Variants in ORC1 observed in about 807,000 individuals in gnomAD.
ORC1 encodes the protein origin recognition complex, subunit 1 homolog.
In ORC1, 61 loss-of-function variants were observed where a neutral mutation model predicts 98.9. The ratio of observed to expected loss-of-function variants is 0.62; its 90% CI spans 0.50 to 0.76. The LOEUF is 0.76. Among genes scored for constraint, ORC1 ranks in the 30% least tolerant of loss-of-function variants. The pLI, the probability that ORC1 is intolerant of heterozygous loss-of-function variation, is 0.00. For synonymous variants in ORC1, 385 were observed against 406.9 expected, an observed-to-expected ratio of 0.95 and a Z score of 0.65; for missense variants, 979 against 1,072.2, an observed-to-expected ratio of 0.91 and a Z score of 1.21.
Position 52,373,379 on chromosome 1 carries a change from G to C in ORC1, c.2392-4C>G. On this transcript the variant is annotated splice_region_variant and splice_polypyrimidine_tract_variant and intron_variant, in intron 16 of 16. Transcript: ENST00000371568. ...GTGCCACATGTTGACTATATATCTA[G>C]ACACAAATAGCAAGGCAAAGGTTAA... 1 of 1,612,072 alleles carries C rather than the reference G, an allele frequency of 6.2e-7. No homozygotes were observed. The highest frequency in any genetic ancestry group is 8.5e-7 in the Non-Finnish European group (1 of 1,178,354).
At chr1:52,375,041 T>G (rs1646976486) in intron 15 of ORC1, 144 bp from the exon 16 acceptor site, 1 of 667,422 alleles carries the variant, frequency 1.5e-6, no homozygotes, top group Non-Finnish European at 2.7e-6. Context: ...AGGATCTCCC[T>G]GACCCCCAAA....
intron 3 of ORC1, among the ~76,000 whole-genome samples, chr1:52,398,324 C>T (rs563736796): frequency 1.1e-4 from 17 of 149,722 alleles, no homozygotes; most frequent in Admixed American, 2.7e-4. Context: ...AGTGCAGTGG[C>T]GTGATCTCGG....
At position 52,401,413 on chromosome 1, in the gene ORC1, C is replaced by T; in HGVS notation, c.172G>A (p.Asp58Asn). ...GCAACATACGGGTTTTCATCATCAT[C>T]CCCTTCAATCAACACAAACTGTCCA... ...QIGQFVLIEGDDDENPYVAKL... is the reference protein window; with the variant it reads ...QIGQFVLIEGNDDENPYVAKL... The change falls in exon 3 of 17, where the codon GAT (aspartate) becomes AAT (asparagine). Residue 58 changes from aspartate to asparagine, a missense_variant. Coordinates refer to ENST00000371568, the MANE Select transcript of ORC1 (RefSeq NM_004153.4). 6.2e-7 allele frequency: 1 copy of T among 1,614,108 alleles called. No homozygotes were observed.
intron 12 of ORC1, 87 bp from the exon 13 acceptor site, chr1:52,383,656 C>T (rs1269877916): frequency 1.4e-6 from 2 of 1,475,420 alleles, no homozygotes; most frequent in African/African-American, 1.4e-5. Flanking sequence ...ACTGCTTTAG[C>T]TGCATGTTTC....
At position 52,374,870 on chromosome 1, in the gene ORC1, G is replaced by A. The variant is rs745544163; in HGVS notation, c.2331C>T (p.Phe777=). The A allele has an allele frequency of 3.1e-6, 5 of 1,613,814 alleles. No homozygotes were observed. Among genetic ancestry groups the A allele is most frequent in the South Asian group, 2.2e-5 (2 of 91,080 alleles). ...IKNSSVLEQS[F]LRAILAEFRR... ...GGAACTCTGCGAGGATGGCTCTCAGGAAGCTCTGTTCCAGAACAGAGGAAT... is the reference window on the plus strand; with the variant it reads ...GGAACTCTGCGAGGATGGCTCTCAGAAAGCTCTGTTCCAGAACAGAGGAAT... The change falls in exon 16 of 17, where the codon TTC becomes TTT. Residue 777 remains phenylalanine, a synonymous_variant. Transcript: ENST00000371568.
chr1:52,399,183 A>C (rs1167534078), intron 3 of ORC1, among the ~76,000 whole-genome samples: 1 of 152,148 alleles, frequency 6.6e-6, no homozygotes, highest in Non-Finnish European at 1.5e-5. Flanking sequence ...CAAAACAAAA[A>C]TCCTAGCAAG....
intron 13 of ORC1, among the ~76,000 whole-genome samples, chr1:52,382,352 T>C (rs901277860): frequency 2.6e-5 from 4 of 152,104 alleles, no homozygotes; most frequent in Non-Finnish European, 5.9e-5. Context: ...CATTTGGAAG[T>C]AGATAAAAGC....
chr1:52,373,104 C>T lies in ORC1; in HGVS notation c.*77G>A, dbSNP rs1646954261. 1 of 1,469,632 alleles carries T rather than the reference C, an allele frequency of 6.8e-7. No individual in the cohort carries two copies. Among genetic ancestry groups the T allele is most frequent in the Admixed American group, 1.7e-5 (1 of 59,752 alleles). The allele number at this position is 1,469,632 out of a possible 1,614,324, so 91.0% of individuals were successfully genotyped here. On this transcript the variant is annotated 3_prime_UTR_variant, in exon 17 of 17. Transcript: ENST00000371568. The stretch of plus-strand genomic sequence containing the variant: ...CCATGATCGTGCCACTGCACTCCAG[C>T]CTGGGCGACAGAGCAAGACCCTGTC...
At chr1:52,384,048 T>A (rs1375429986) in intron 11 of ORC1, 111 bp from the exon 12 acceptor site, 3 of 823,456 alleles carry the variant, frequency 3.6e-6, no homozygotes, top group African/African-American at 3.3e-5. Context: ...TTCGGTATCC[T>A]ATATTCTGCC....
chr1:52,384,523 C>T, intron 11 of ORC1, 27 bp downstream of exon 11: 5 of 1,609,850 alleles, frequency 3.1e-6, no homozygotes, highest in Non-Finnish European at 4.2e-6. Flanking sequence ...ACAGCATTTT[C>T]CAAAAAGCCT....
upstream of ORC1, chr1:52,408,381 T>C: frequency 1.4e-6 from 1 of 728,052 alleles, no homozygotes; most frequent in Non-Finnish European, 2.5e-6. Context: ...AATGGTAGCA[T>C]GGGAACTTGA....
chr1:52,384,867 G>A, intron 10 of ORC1, 146 bp from the exon 11 acceptor site: 1 of 756,346 alleles, frequency 1.3e-6, no homozygotes, highest in Non-Finnish European at 2.3e-6. Flanking sequence ...ATCCTTGGAA[G>A]CTGGTCAGAG....
In ORC1 at chr1:52,373,081, A is replaced by G; in HGVS notation, c.*100T>C. ...TGAGAAGTCAAGGCTGCAGTGAGCC[A>G]TGATCGTGCCACTGCACTCCAGCCT... On this transcript the variant is annotated 3_prime_UTR_variant, in exon 17 of 17. Transcript: ENST00000371568. 8.1e-7 allele frequency: 1 copy of G among 1,231,986 alleles called. No homozygotes were observed. Among genetic ancestry groups the G allele is most frequent in the Middle Eastern group, 2.7e-4 (1 of 3,686 alleles). 76.3% of individuals were successfully genotyped at this position (1,231,986 alleles called of 1,614,324 possible).
rs200774303 is a variant in ORC1, at chr1:52,401,411, A to G, written c.174T>C (p.Asp58=). 2 of 1,613,708 alleles carry G rather than the reference A, an allele frequency of 1.2e-6. No individual in the cohort carries two copies. The highest frequency in any genetic ancestry group is 1.1e-5 in the South Asian group (1 of 91,058). Reference sequence around the variant, plus strand: ...TAGCAACATACGGGTTTTCATCATCATCCCCTTCAATCAACACAAACTGTC... The same window carrying G: ...TAGCAACATACGGGTTTTCATCATCGTCCCCTTCAATCAACACAAACTGTC... ...QIGQFVLIEG[D]DDENPYVAKL... is the part of the protein sequence containing the mutation. The change falls in exon 3 of 17, where the codon GAT becomes GAC. Residue 58 remains aspartate (D), a synonymous_variant. Transcript: ENST00000371568.
chr1:52,405,863 A>AT (rs760903206), upstream of ORC1: 4 of 1,604,746 alleles, frequency 2.5e-6, no homozygotes, highest in South Asian at 4.4e-5. Context: ...TCACTAGCTA[A>AT]TATAAGAGGT....
intron 14 of ORC1, among the ~76,000 whole-genome samples, chr1:52,377,261 G>A (rs967275928): frequency 1.5e-4 from 22 of 150,366 alleles, no homozygotes; most frequent in African/African-American, 2.7e-4. Flanking sequence ...GACCCACTGC[G>A]CCCAGCCGAC....
In ORC1 at chr1:52,385,225, G is replaced by A. The variant is rs1002506669; in HGVS notation, c.1519C>T (p.Arg507Trp). ...TAGATGTCTTGGAATTCCTGTTCCC[G>A]ACAGGGAAGAGACTCAGGTACAGCA... Reference protein sequence around the residue: ...VSAVPESLPCREQEFQDIYNF... With the variant: ...VSAVPESLPCWEQEFQDIYNF... The change falls in exon 10 of 17, where the codon CGG becomes TGG. Residue 507 changes from arginine (R) to tryptophan (W), a missense_variant. Physicochemically the swap from Arg to Trp is moderately radical, Grantham distance 101. Coordinates refer to ENST00000371568, the MANE Select transcript of ORC1 (RefSeq NM_004153.4). The A allele has an allele frequency of 1.9e-6, 3 of 1,613,702 alleles. No individual in the cohort carries two copies. The highest frequency in any genetic ancestry group is 2.5e-6 in the Non-Finnish European group (3 of 1,179,590).
intron 13 of ORC1, 104 bp downstream of exon 13, chr1:52,383,315 CG>C: frequency 7.3e-7 from 1 of 1,374,820 alleles, no homozygotes. Context: ...TCCCAAAGTG[CG>C]GGGTTTACAG....
At chr1:52,378,529 G>A (rs1434284598) in intron 14 of ORC1, among the ~76,000 whole-genome samples, 7 of 151,246 alleles carry the variant, frequency 4.6e-5, no homozygotes, top group East Asian at 1.9e-4. Flanking sequence ...GCATGGTGGC[G>A]GGTGCCTGCC....
Sources: gnomAD v4.1 joint callset for allele counts (sites outside exome capture counted in the v4.1 genomes callset) on GRCh38, gnomAD v4.1.1 for gene constraint, MANE v1.5 for transcripts, NCBI Gene and HGNC (gene_info 2026-07-23, HGNC 2026-07-21) for gene names.